The following PLCH1 variants were observed in gnomAD, a reference collection of about 807,000 sequenced individuals.
The protein encoded by PLCH1 is phospholipase C eta 1.
A neutral mutation model predicts 126.7 loss-of-function variants in PLCH1; 60 were observed. That is an observed-to-expected ratio of 0.47 (90% CI 0.38 to 0.59). The LOEUF is 0.59. Ranked by LOEUF, PLCH1 falls within the 20% of genes least tolerant of loss-of-function variation. The pLI, the probability that PLCH1 is intolerant of heterozygous loss-of-function variation, is 0.00. For synonymous variants in PLCH1, 719 were observed against 734.9 expected (o/e 0.98, Z 0.35); for missense variants, 1,723 against 2,040.0 (o/e 0.84, Z 2.99).
At chr3:155,734,956 G>A (rs1749060779) in intron 1 of PLCH1, among the ~76,000 whole-genome samples, 3 of 152,004 alleles carry the variant, frequency 2.0e-5, no homozygotes, top group East Asian at 1.9e-4. Flanking sequence ...TGATCCTCCC[G>A]CCTTGGCCTC....
chr3:155,704,612 A>C (rs1746516241), intron 1 of PLCH1, among the ~76,000 whole-genome samples: 1 of 152,192 alleles, frequency 6.6e-6, no homozygotes, highest in African/African-American at 2.4e-5. Flanking sequence ...AAACTAGTCA[A>C]CACTGGTAAC....
chr3:155,664,976 G>A (rs561632145), intron 2 of PLCH1, among the ~76,000 whole-genome samples: 14 of 152,218 alleles, frequency 9.2e-5, no homozygotes, highest in African/African-American at 3.1e-4. Flanking sequence ...CACACAGACC[G>A]ACTGCATTTT....
intron 2 of PLCH1, among the ~76,000 whole-genome samples, chr3:155,647,114 T>A (rs1017730681): frequency 6.6e-6 from 1 of 152,098 alleles, no homozygotes; most frequent in African/African-American, 2.4e-5. Context: ...AACTCTCTTC[T>A]CAGAGAGTGA....
chr3:155,554,690 A>G (rs1726579221), intron 8 of PLCH1, among the ~76,000 whole-genome samples: 1 of 152,254 alleles, frequency 6.6e-6, no homozygotes, highest in African/African-American at 2.4e-5. Context: ...TTAATACTAC[A>G]GTAGTTATAA....
intron 2 of PLCH1, among the ~76,000 whole-genome samples, chr3:155,649,321 C>A (rs747313102): frequency 6.6e-6 from 1 of 152,138 alleles, no homozygotes; most frequent in Non-Finnish European, 1.5e-5. Flanking sequence ...CCTCCACTAC[C>A]CTATATAATT....
chr3:155,744,333 A>C (rs996157059), intron 1 of PLCH1, among the ~76,000 whole-genome samples: 2 of 152,178 alleles, frequency 1.3e-5, no homozygotes, highest in African/African-American at 4.8e-5. Flanking sequence ...CGCGCTGAGC[A>C]CACCTAGTCT....
At chr3:155,637,765 C>G (rs1481901861) in intron 2 of PLCH1, among the ~76,000 whole-genome samples, 1 of 152,202 alleles carries the variant, frequency 6.6e-6, no homozygotes, top group Middle Eastern at 3.2e-3. Context: ...GAAAGAACCT[C>G]TCACCTACTT....
intron 2 of PLCH1, among the ~76,000 whole-genome samples, chr3:155,702,068 A>T (rs2109076534): frequency 6.6e-6 from 1 of 152,312 alleles, no homozygotes; most frequent in South Asian, 2.1e-4. Flanking sequence ...ACCAATTCAT[A>T]TTTTAAGTGT....
At chr3:155,719,810 A>ATG (rs910165686) in intron 1 of PLCH1, among the ~76,000 whole-genome samples, 7 of 147,042 alleles carry the variant, frequency 4.8e-5, no homozygotes, top group Admixed American at 4.1e-4. Context: ...GTCTTCTTTT[A>ATG]TTTTTTTTTT....
At chr3:155,671,440 G>C (rs939976634) in intron 2 of PLCH1, among the ~76,000 whole-genome samples, 4 of 152,084 alleles carry the variant, frequency 2.6e-5, no homozygotes, top group African/African-American at 9.7e-5. Context: ...CATTTATATA[G>C]TCACAATAAT....
chr3:155,597,786 C>T (rs1423944526), intron 2 of PLCH1, among the ~76,000 whole-genome samples: 1 of 152,064 alleles, frequency 6.6e-6, no homozygotes, highest in Non-Finnish European at 1.5e-5. Flanking sequence ...GGAGGAACTG[C>T]AAAAAATTAA....
intron 10 of PLCH1, among the ~76,000 whole-genome samples, chr3:155,527,626 T>C (rs533524675): frequency 8.5e-5 from 13 of 152,134 alleles, no homozygotes; most frequent in Non-Finnish European, 1.6e-4. Context: ...GATTAAAAAG[T>C]TGGGGCCAGC....
chr3:155,453,903 A>C (rs985771646), intron 21 of PLCH1, among the ~76,000 whole-genome samples: 21 of 152,062 alleles, frequency 1.4e-4, no homozygotes, highest in Non-Finnish European at 1.6e-4. Context: ...TAAGTAGAAA[A>C]GGATGGATAC....
chr3:155,471,677 G>A (rs1713255573), intron 21 of PLCH1, among the ~76,000 whole-genome samples: 1 of 148,202 alleles, frequency 6.7e-6, no homozygotes, highest in South Asian at 2.2e-4. Flanking sequence ...ATACTTGGAA[G>A]TAAAGCTCTC....
chr3:155,711,550 C>T (rs1320514842), intron 1 of PLCH1, among the ~76,000 whole-genome samples: 1 of 152,150 alleles, frequency 6.6e-6, no homozygotes, highest in African/African-American at 2.4e-5. Context: ...AGAATTAAAG[C>T]TCCCTTTAAG....
intron 8 of PLCH1, among the ~76,000 whole-genome samples, chr3:155,564,434 G>A (rs1021451772): frequency 1.3e-5 from 2 of 152,026 alleles, no homozygotes; most frequent in Non-Finnish European, 2.9e-5. Flanking sequence ...GTGTGGTGGT[G>A]TGCACCTGTA....
intron 12 of PLCH1, among the ~76,000 whole-genome samples, chr3:155,511,878 A>C (rs1234167597): frequency 6.6e-6 from 1 of 152,000 alleles, no homozygotes; most frequent in Non-Finnish European, 1.5e-5. Context: ...GGTGGGCTCC[A>C]CCCAGTTCGA....
intron 2 of PLCH1, among the ~76,000 whole-genome samples, chr3:155,693,940 A>AC (rs1745611767): frequency 6.6e-6 from 1 of 152,102 alleles, no homozygotes; most frequent in Non-Finnish European, 1.5e-5. Flanking sequence ...TAAAAAAAAA[A>AC]GAAAGAAAGA....
At chr3:155,651,419 A>G (rs1417593329) in intron 2 of PLCH1, among the ~76,000 whole-genome samples, 1 of 152,192 alleles carries the variant, frequency 6.6e-6, no homozygotes, top group East Asian at 1.9e-4. Flanking sequence ...CAAACTGTCA[A>G]ACTGTCAATT....
Sources: gnomAD v4.1 joint callset for allele counts (sites outside exome capture counted in the v4.1 genomes callset) on GRCh38, gnomAD v4.1.1 for gene constraint, MANE v1.5 for transcripts, NCBI Gene and HGNC (gene_info 2026-07-23, HGNC 2026-07-21) for gene names.